The following RAP1GAP2 variants were observed in gnomAD, a reference collection of about 807,000 sequenced individuals.
The protein encoded by RAP1GAP2 is RAP1 GTPase activating protein 2, also known as rap1 GTPase-activating protein 2.
In RAP1GAP2, 27 loss-of-function variants were observed where a neutral mutation model predicts 95.0. That is an observed-to-expected ratio of 0.28 (90% CI 0.21 to 0.39). RAP1GAP2 has a LOEUF of 0.39. Among genes scored for constraint, RAP1GAP2 ranks in the 10% least tolerant of loss-of-function variants. RAP1GAP2 has a pLI of 1.00. For synonymous variants in RAP1GAP2, 373 were observed against 380.9 expected, an observed-to-expected ratio of 0.98 and a Z score of 0.24; for missense variants, 771 against 970.0, an observed-to-expected ratio of 0.79 and a Z score of 2.72.
rs531116713 is a variant in RAP1GAP2, at chr17:2,803,231, G to T, written c.80+2681G>T. Among the ~76,000 whole-genome samples the T allele has an allele frequency of 2.6e-5, 4 of 152,346 alleles. No homozygotes were observed. The South Asian group carries it at 8.3e-4, about 32-fold the overall frequency. On this transcript the variant is annotated intron_variant, in intron 2 of 24. Transcript: ENST00000254695. ...TGGGACCCCAGTGAGGTCTCTGAGTGATTATCTGGGAAGGCGATATTGGGA... is the reference window on the plus strand; with the variant it reads ...TGGGACCCCAGTGAGGTCTCTGAGTTATTATCTGGGAAGGCGATATTGGGA...
intron 3 of RAP1GAP2, among the ~76,000 whole-genome samples, chr17:2,932,117 A>G (rs1403436844): frequency 6.6e-6 from 1 of 152,202 alleles, no homozygotes; most frequent in African/African-American, 2.4e-5. Context: ...TGTTAACAGG[A>G]AGAGCCCAGA....
At chr17:2,982,031 G>A (rs894271953) in intron 10 of RAP1GAP2, among the ~76,000 whole-genome samples, 24 of 152,324 alleles carry the variant, frequency 1.6e-4, no homozygotes, top group African/African-American at 5.8e-4. Context: ...TGCTGGGACC[G>A]GCTCTGTCTA....
intron 8 of RAP1GAP2, among the ~76,000 whole-genome samples, chr17:2,977,123 CAAAAAAAA>C (rs71377561): frequency 1.3e-5 from 1 of 77,668 alleles, no homozygotes; most frequent in East Asian, 3.7e-4. Context: ...AACTCCATCT[CAAAAAAAA>C]AAAAAAGAAA....
intron 17 of RAP1GAP2, among the ~76,000 whole-genome samples, chr17:3,011,190 A>G (rs1341111010): frequency 2.0e-5 from 3 of 152,036 alleles, no homozygotes; most frequent in Admixed American, 2.0e-4. Flanking sequence ...AGCCTCACAA[A>G]GTGCTGGGAT....
intron 2 of RAP1GAP2, among the ~76,000 whole-genome samples, chr17:2,891,193 G>T (rs1293912738): frequency 1.3e-5 from 2 of 151,504 alleles, no homozygotes; most frequent in African/African-American, 4.9e-5. Context: ...TGTCACCCAG[G>T]CTGGAGTGCA....
chr17:2,953,353 C>T (rs984893320), intron 3 of RAP1GAP2, among the ~76,000 whole-genome samples: 10 of 152,100 alleles, frequency 6.6e-5, no homozygotes, highest in African/African-American at 2.4e-4. Flanking sequence ...GTGTGAACCA[C>T]CGTGTCTGGC....
chr17:3,013,100 AT>A (rs1236013685), intron 17 of RAP1GAP2, among the ~76,000 whole-genome samples: 1 of 152,072 alleles, frequency 6.6e-6, no homozygotes, highest in Non-Finnish European at 1.5e-5. Context: ...TGCCAGGTTC[AT>A]TTCTCCCAGC....
chr17:3,011,971 A>T (rs887427125), intron 17 of RAP1GAP2, among the ~76,000 whole-genome samples: 9 of 152,146 alleles, frequency 5.9e-5, no homozygotes, highest in African/African-American at 1.9e-4. Flanking sequence ...GAGAATCCCC[A>T]GGGCTGAAAG....
intron 2 of RAP1GAP2, among the ~76,000 whole-genome samples, chr17:2,821,312 TA>T (rs1416086601): frequency 6.6e-6 from 1 of 151,530 alleles, no homozygotes; most frequent in Non-Finnish European, 1.5e-5. Flanking sequence ...AAATAGAGAT[TA>T]AAAAATAAAA....
intron 17 of RAP1GAP2, among the ~76,000 whole-genome samples, chr17:3,011,413 G>A (rs573430307): frequency 6.6e-6 from 1 of 152,282 alleles, no homozygotes; most frequent in South Asian, 2.1e-4. Context: ...GGCCAGGCCT[G>A]TGTGTCTGGC....
chr17:2,819,185 A>G (rs1422813710), intron 2 of RAP1GAP2, among the ~76,000 whole-genome samples: 2 of 150,996 alleles, frequency 1.3e-5, no homozygotes, highest in East Asian at 3.9e-4. Flanking sequence ...CACCCGGCTA[A>G]TTTTTTTTGT....
At position 2,998,248 on chromosome 17, in the gene RAP1GAP2, G is replaced by A. The variant is rs758372483; in HGVS notation, c.1072G>A (p.Asp358Asn). 1 of 1,614,008 alleles carries A rather than the reference G, an allele frequency of 6.2e-7. No homozygotes were observed. ...CCAGAGAAAGAGACACATTGGAAAT[G>A]ACATCGTGGCCATCATCTTCCAAGA... ...QLQRKRHIGN[D>N]IVAIIFQEEN... The change falls in exon 14 of 25, where the codon GAC becomes AAC. Residue 358 changes from aspartate to asparagine, a missense_variant. Physicochemically the swap from Asp to Asn is conservative, Grantham distance 23. Coordinates refer to ENST00000254695, the MANE Select transcript of RAP1GAP2 (RefSeq NM_015085.5).
chr17:2,831,996 G>T (rs1051149180), intron 2 of RAP1GAP2, among the ~76,000 whole-genome samples: 9 of 151,630 alleles, frequency 5.9e-5, no homozygotes, highest in African/African-American at 1.7e-4. Flanking sequence ...ACGAGGTTAG[G>T]AGTTCGAGAC....
chr17:2,801,129 T>G (rs576903385), intron 2 of RAP1GAP2, among the ~76,000 whole-genome samples: 2 of 151,218 alleles, frequency 1.3e-5, no homozygotes, highest in Admixed American at 1.3e-4. Context: ...ATTATAGGCG[T>G]GAGCCACTGC....
At chr17:3,010,991 A>G (rs1314841981) in intron 17 of RAP1GAP2, among the ~76,000 whole-genome samples, 3 of 151,894 alleles carry the variant, frequency 2.0e-5, no homozygotes, top group Non-Finnish European at 2.9e-5. Context: ...CAGTGGTGCA[A>G]TCTTGGCTCA....
In RAP1GAP2 at chr17:2,921,715, A is replaced by ACAGGGCTGTTAAGGTGTCCG. The variant is rs1555569375; in HGVS notation, c.165+16353_165+16354insTGTTAAGGTGTCCGCAGGGC. Reference sequence around the variant, plus strand: ...GTGTCCGCAGGGCCGTTATGTGTCCACAGGGCCGTTAAGGTGTCAGCAGGA... The same window carrying ACAGGGCTGTTAAGGTGTCCG: ...GTGTCCGCAGGGCCGTTATGTGTCCACAGGGCTGTTAAGGTGTCCGCAGGGCCGTTAAGGTGTCAGCAGGA... On this transcript the variant is annotated intron_variant, in intron 3 of 24. Coordinates refer to ENST00000254695, the MANE Select transcript of RAP1GAP2 (RefSeq NM_015085.5). Among the ~76,000 whole-genome samples the ACAGGGCTGTTAAGGTGTCCG allele has an allele frequency of 1.5e-4, 23 of 149,540 alleles. 1 individual carries two copies. The highest frequency in any genetic ancestry group is 5.2e-4 in the African/African-American group (21 of 40,168).
Position 3,036,485 on chromosome 17 carries a change from GGCTGCAGTTTCT to G in RAP1GAP2, c.*3128_*3139del, listed in dbSNP as rs1941363243. ...GGTGAGCAGTCAAGGATGCTGGTGA[GGCTGCAGTTTCT>G]GCTCTTTTTCATCAGGGGGGATAGT... On this transcript the variant is annotated 3_prime_UTR_variant, in exon 25 of 25. Transcript: ENST00000254695. 1 of 152,314 alleles carries G rather than the reference GGCTGCAGTTTCT, an allele frequency of 6.6e-6. No individual in the cohort carries two copies. Among genetic ancestry groups the G allele is most frequent in the African/African-American group, 2.4e-5 (1 of 41,442 alleles). 9.4% of individuals were successfully genotyped at this position (152,314 alleles called of 1,614,324 possible).
In RAP1GAP2 at chr17:2,926,644, C is replaced by T. The variant is rs75343306; in HGVS notation, c.165+21276C>T. Among the ~76,000 whole-genome samples the T allele has an allele frequency of 6.5e-3, 997 of 152,230 alleles. 11 individuals are homozygous for T. Among genetic ancestry groups the T allele is most frequent in the African/African-American group, 0.023 (948 of 41,534 alleles). Reference sequence around the variant, plus strand: ...CCACACACTTAGTGGCTTAAGACAACACAAATCTATCATCTTACAGTTCTG... The same window carrying T: ...CCACACACTTAGTGGCTTAAGACAATACAAATCTATCATCTTACAGTTCTG... On this transcript the variant is annotated intron_variant, in intron 3 of 24. Transcript: ENST00000254695.
At chr17:2,760,394 G>A (rs2071221765) in intron 1 of RAP1GAP2, among the ~76,000 whole-genome samples, 1 of 150,884 alleles carries the variant, frequency 6.6e-6, no homozygotes, top group Non-Finnish European at 1.5e-5. Context: ...AGGGTGGAGT[G>A]TAGTGGCGCA....
Sources: gnomAD v4.1 joint callset for allele counts (sites outside exome capture counted in the v4.1 genomes callset) on GRCh38, gnomAD v4.1.1 for gene constraint, MANE v1.5 for transcripts, NCBI Gene and HGNC (gene_info 2026-07-23, HGNC 2026-07-21) for gene names.